NCAPD3: variants seen among roughly 807,000 people sequenced by gnomAD.
NCAPD3 encodes condensin-2 complex subunit D3.
NCAPD3 carries 105 observed loss-of-function variants against 182.9 expected under a neutral mutation model. The ratio of observed to expected loss-of-function variants is 0.57; its 90% CI spans 0.49 to 0.68. NCAPD3 has a LOEUF of 0.68. Ranked by LOEUF, NCAPD3 falls within the 30% of genes least tolerant of loss-of-function variation. NCAPD3 has a pLI of 0.00. For synonymous variants in NCAPD3, 815 were observed against 679.9 expected (o/e 1.20, Z -3.09); for missense variants, 1,944 against 1,837.0 (o/e 1.06, Z -1.07).
At chr11:134,161,022 T>C (rs2120564274) in intron 28 of NCAPD3, among the ~76,000 whole-genome samples, 1 of 152,136 alleles carries the variant, frequency 6.6e-6, no homozygotes. Flanking sequence ...ATTTTTATCA[T>C]ACAATGAGAC....
At chr11:134,221,739 G>A (rs1433209234) in intron 1 of NCAPD3, among the ~76,000 whole-genome samples, 1 of 152,208 alleles carries the variant, frequency 6.6e-6, no homozygotes, top group Non-Finnish European at 1.5e-5. Flanking sequence ...AGAGATGGGA[G>A]CATTACACTG....
intron 26 of NCAPD3, 135 bp downstream of exon 26, chr11:134,168,334 T>G: frequency 6.7e-7 from 1 of 1,489,320 alleles, no homozygotes; most frequent in South Asian, 1.2e-5. Context: ...GCACAGCTGA[T>G]GCCAGAGAAG....
chr11:134,187,813 G>A (rs1425665242), intron 16 of NCAPD3, among the ~76,000 whole-genome samples: 3 of 152,196 alleles, frequency 2.0e-5, no homozygotes, highest in Non-Finnish European at 2.9e-5. Flanking sequence ...GAGAGGAAGT[G>A]CACTGAACTA....
intron 16 of NCAPD3, among the ~76,000 whole-genome samples, chr11:134,191,187 A>ATGTT (rs1555138663): frequency 6.6e-6 from 1 of 152,144 alleles, no homozygotes; most frequent in East Asian, 1.9e-4. Context: ...TAATGAGCCC[A>ATGTT]TGTTTGTTTG....
intron 24 of NCAPD3, among the ~76,000 whole-genome samples, chr11:134,170,356 C>T (rs1943977920): frequency 6.6e-6 from 1 of 152,002 alleles, no homozygotes; most frequent in Non-Finnish European, 1.5e-5. Context: ...GTTTAATGAC[C>T]CATGTTTGAA....
rs758534432 is a variant in NCAPD3 at position 134,208,984 on chromosome 11, A to G, written c.795-33T>C. 2.6e-6 allele frequency: 4 copies of G among 1,520,594 alleles called. No homozygotes were observed. The South Asian group carries it at 4.7e-5, about 18-fold the overall frequency. 94.2% of individuals were successfully genotyped at this position (1,520,594 alleles called of 1,614,324 possible). On this transcript the variant is annotated intron_variant, in intron 6 of 34. Coordinates refer to ENST00000534548, the MANE Select transcript of NCAPD3 (RefSeq NM_015261.3). Reference sequence around the variant, plus strand: ...AAAAAGACGAAATATTAGTTAATGGATATGATTTTACTTGGAATATTTCTT... The same window carrying G: ...AAAAAGACGAAATATTAGTTAATGGGTATGATTTTACTTGGAATATTTCTT...
In NCAPD3 at chr11:134,150,548, C is replaced by T. The variant is rs2120413571; in HGVS notation, c.*2396G>A. The T allele has an allele frequency of 6.6e-6, 1 of 152,368 alleles. No homozygotes were observed. The highest frequency in any genetic ancestry group is 3.4e-3 in the Middle Eastern group (1 of 294). 9.4% of individuals were successfully genotyped at this position (152,368 alleles called of 1,614,324 possible). A position where few individuals can be genotyped will look rare whatever the true frequency, so the allele number is the denominator to read the frequency against. ...CTCTCAGGTGGGCACTGCAGGGACA[C>T]TGGTGTCTTCCATGTAGCGTCCCAG... On this transcript the variant is annotated 3_prime_UTR_variant, in exon 35 of 35. Coordinates refer to ENST00000534548, the MANE Select transcript of NCAPD3 (RefSeq NM_015261.3).
intron 4 of NCAPD3, 134 bp downstream of exon 4, chr11:134,210,136 T>C (rs931890964): frequency 5.9e-6 from 4 of 682,694 alleles, no homozygotes; most frequent in Non-Finnish European, 1.0e-5. Context: ...AAAGCAGTAT[T>C]GGATAGCTTA....
chr11:134,181,804 G>C (rs1205707992), intron 19 of NCAPD3, among the ~76,000 whole-genome samples: 1 of 152,106 alleles, frequency 6.6e-6, no homozygotes, highest in African/African-American at 2.4e-5. Flanking sequence ...GTTGAGCTAA[G>C]GGCCTCCACC....
In NCAPD3 at chr11:134,177,245, G is replaced by C; in HGVS notation, c.2995C>G (p.Leu999Val). 1 of 1,614,168 alleles carries C rather than the reference G, an allele frequency of 6.2e-7. No homozygotes were observed. Among genetic ancestry groups the C allele is most frequent in the Non-Finnish European group, 8.5e-7 (1 of 1,179,950 alleles). ...TGCAAGAGATTGGTAAGCAAGATGA[G>C]TGTCTGCTTCCGGATGAATGGGTCG... is the stretch of plus-strand genomic sequence containing the variant. ...DSDPFIRKQT[L>V]ILLTNLLQEE... Residue 999 changes from leucine (L) to valine (V), a missense_variant, in exon 23 of 35, where the codon CTC becomes GTC. Around this residue, in one of 3 missense-constraint regions of NCAPD3, gnomAD observed 1,803 missense variants for 1,674.6 expected, o/e 1.08. Coordinates refer to ENST00000534548, the MANE Select transcript of NCAPD3 (RefSeq NM_015261.3).
At chr11:134,161,692 C>T (rs996488304) in intron 28 of NCAPD3, 89 bp downstream of exon 28, 22 of 775,464 alleles carry the variant, frequency 2.8e-5, no homozygotes, top group Non-Finnish European at 3.5e-5. Flanking sequence ...TAATCATTCA[C>T]GGATTGCCTG....
intron 13 of NCAPD3, among the ~76,000 whole-genome samples, chr11:134,199,061 T>C (rs1167323039): frequency 1.3e-5 from 2 of 152,134 alleles, no homozygotes; most frequent in Non-Finnish European, 2.9e-5. Flanking sequence ...AGATGGCTTT[T>C]TTTTTCTTGC....
chr11:134,172,494 C>G, intron 24 of NCAPD3, among the ~76,000 whole-genome samples: 1 of 152,318 alleles, frequency 6.6e-6, no homozygotes, highest in Middle Eastern at 3.4e-3. Context: ...TTCTCCCAAA[C>G]CAGGCCATCC....
At position 134,209,495 on chromosome 11, in the gene NCAPD3, G is replaced by A. The variant is rs769528221; in HGVS notation, c.568-18C>T. ...TCATCCATCTAGATTATGAAGAAAT[G>A]TACAGGTGACTGTAATAAATGCCAA... On this transcript the variant is annotated intron_variant, in intron 4 of 34. Coordinates refer to ENST00000534548, the MANE Select transcript of NCAPD3 (RefSeq NM_015261.3). 3 of 1,598,020 alleles carry A rather than the reference G, an allele frequency of 1.9e-6. No individual in the cohort carries two copies. The highest frequency in any genetic ancestry group is 1.1e-5 in the South Asian group (1 of 89,130).
chr11:134,172,032 G>A (rs886434666), intron 24 of NCAPD3, among the ~76,000 whole-genome samples: 6 of 152,164 alleles, frequency 3.9e-5, no homozygotes, highest in Admixed American at 6.5e-5. Flanking sequence ...TACACATAGC[G>A]TGTGGACCAG....
intron 1 of NCAPD3, among the ~76,000 whole-genome samples, chr11:134,222,011 CTT>C (rs1027219845): frequency 2.6e-5 from 4 of 152,216 alleles, no homozygotes; most frequent in African/African-American, 9.7e-5. Flanking sequence ...CTCACTCCTT[CTT>C]TTGGTTTTGC....
chr11:134,199,010 C>A (rs1328424067), intron 13 of NCAPD3, among the ~76,000 whole-genome samples: 9 of 152,162 alleles, frequency 5.9e-5, no homozygotes, highest in Non-Finnish European at 1.2e-4. Flanking sequence ...CATGGCAACA[C>A]TCCCCAAACT....
At chr11:134,154,477 A>ACCCCCCCCCCCCCCC (rs376790927) in intron 32 of NCAPD3, among the ~76,000 whole-genome samples, 4 of 75,608 alleles carry the variant, frequency 5.3e-5, no homozygotes, top group African/African-American at 2.4e-4. Context: ...GCTTCTCTGC[A>ACCCCCCCCCCCCCCC]CCCCCCCCCC....
In NCAPD3 at chr11:134,152,928, T is replaced by C. The variant is rs752195176; in HGVS notation, c.*16A>G. On this transcript the variant is annotated 3_prime_UTR_variant, in exon 35 of 35. Transcript: ENST00000534548. ...CAAGGGCTCCTGCCTGCCTGGACACTGGTGGGAGGCGCTGTTTAGTTGGCT... is the reference window on the plus strand; with the variant it reads ...CAAGGGCTCCTGCCTGCCTGGACACCGGTGGGAGGCGCTGTTTAGTTGGCT... 2 of 1,520,638 alleles carry C rather than the reference T, an allele frequency of 1.3e-6. No individual in the cohort carries two copies. Among genetic ancestry groups the C allele is most frequent in the East Asian group, 2.3e-5 (1 of 44,122 alleles). The allele number at this position is 1,520,638 out of a possible 1,614,324, so 94.2% of individuals were successfully genotyped here. A position where few individuals can be genotyped will look rare whatever the true frequency, so the allele number is the denominator to read the frequency against.
Sources: gnomAD v4.1 joint callset for allele counts (sites outside exome capture counted in the v4.1 genomes callset) on GRCh38, gnomAD v4.1.1 for gene constraint, gnomAD v4.1.1 regional missense constraint, MANE v1.5 for transcripts, NCBI Gene and HGNC (gene_info 2026-07-23, HGNC 2026-07-21) for gene names.